The following PIGN variants were observed in gnomAD, a reference collection of about 807,000 sequenced individuals.
The protein encoded by PIGN is phosphatidylinositol glycan anchor biosynthesis class N, also known as GPI ethanolamine phosphate transferase 1.
In PIGN, 117 loss-of-function variants were observed where a neutral mutation model predicts 125.4. The observed-to-expected ratio is 0.93, with a 90% CI of 0.80 to 1.09. PIGN has a LOEUF of 1.09. PIGN is among the 50% of genes least tolerant of loss of function. The pLI, the probability that PIGN is intolerant of heterozygous loss-of-function variation, is 0.00. For missense variants in PIGN, 1,075 were observed against 1,094.9 expected (o/e 0.98, Z 0.26); for synonymous variants, 392 against 377.8 (o/e 1.04, Z -0.44).
intron 23 of PIGN, among the ~76,000 whole-genome samples, chr18:62,032,859 C>T (rs2030210145): frequency 2.6e-5 from 4 of 152,162 alleles, no homozygotes; most frequent in Admixed American, 2.6e-4. Context: ...CACAAGAGTT[C>T]ATGAAAATTT....
At chr18:62,167,279 GAT>G (rs1285359945) in intron 1 of PIGN, among the ~76,000 whole-genome samples, 77 of 105,222 alleles carry the variant, frequency 7.3e-4, no homozygotes, top group African/African-American at 2.1e-3. Context: ...GATATATAGA[GAT>G]ATATATGTGT....
chr18:62,182,498 T>G (rs1337651590), intron 1 of PIGN, among the ~76,000 whole-genome samples: 1 of 152,228 alleles, frequency 6.6e-6, no homozygotes, highest in Non-Finnish European at 1.5e-5. Flanking sequence ...CTTTATTTAA[T>G]CTAACAATTG....
chr18:62,157,091 T>C (rs1159206668), intron 6 of PIGN, 38 bp downstream of exon 6: 2 of 1,005,008 alleles, frequency 2.0e-6, no homozygotes, highest in Non-Finnish European at 3.0e-6. Flanking sequence ...ACTTACTCCC[T>C]ATTTACTATC....
At chr18:62,115,644 T>A (rs1327156922) in intron 14 of PIGN, among the ~76,000 whole-genome samples, 5 of 143,942 alleles carry the variant, frequency 3.5e-5, no homozygotes, top group Non-Finnish European at 7.5e-5. Flanking sequence ...GTAAATCTTT[T>A]AAGCAGTAAT....
chr18:62,134,849 G>A (rs1350411539), intron 14 of PIGN, among the ~76,000 whole-genome samples: 3 of 152,146 alleles, frequency 2.0e-5, no homozygotes, highest in Non-Finnish European at 4.4e-5. Context: ...TTCTTGTAAA[G>A]TTTGAAATGT....
At chr18:62,100,443 A>G (rs1010377472) in intron 22 of PIGN, among the ~76,000 whole-genome samples, 1 of 152,222 alleles carries the variant, frequency 6.6e-6, no homozygotes, top group Non-Finnish European at 1.5e-5. Context: ...CAAAAGATGT[A>G]AAAGTTAAAG....
chr18:62,163,114 T>G (rs1475588953), intron 2 of PIGN, among the ~76,000 whole-genome samples: 1 of 152,136 alleles, frequency 6.6e-6, no homozygotes, highest in Non-Finnish European at 1.5e-5. Context: ...TACTTTAAAT[T>G]TATATCCATT....
At chr18:62,174,523 G>C (rs547778867) in intron 1 of PIGN, 4 of 152,144 alleles carry the variant, frequency 2.6e-5, no homozygotes, top group Non-Finnish European at 4.4e-5. Flanking sequence ...GACATGAAGT[G>C]AGGTCTCAGC....
At chr18:62,037,309 C>A (rs1308631823), downstream of PIGN, among the ~76,000 whole-genome samples, 7 of 152,110 alleles carry the variant, frequency 4.6e-5, no homozygotes. Context: ...AGGGAGGACT[C>A]TGGAACATTC....
intron 28 of PIGN, among the ~76,000 whole-genome samples, chr18:62,078,356 T>C (rs1436938086): frequency 1.3e-5 from 2 of 152,244 alleles, no homozygotes; most frequent in Admixed American, 1.3e-4. Context: ...TGAACCATTC[T>C]GTGGAAACTG....
chr18:62,090,132 T>A (rs1394038608), intron 24 of PIGN, among the ~76,000 whole-genome samples: 1 of 152,102 alleles, frequency 6.6e-6, no homozygotes, highest in Non-Finnish European at 1.5e-5. Context: ...TCTTCCAAGA[T>A]AAATTGACGG....
At chr18:62,110,124 A>G (rs1263925296) in intron 16 of PIGN, 151 bp from the exon 17 acceptor site, 2 of 633,668 alleles carry the variant, frequency 3.2e-6, no homozygotes, top group Non-Finnish European at 5.2e-6. Flanking sequence ...TAAGACAAGG[A>G]AAAAAATCTA....
At position 62,172,605 on chromosome 18, in the gene PIGN, G is replaced by A. The variant is rs374734984; in HGVS notation, c.-235-8949C>T. On this transcript the variant is annotated intron_variant, in intron 1 of 30. Coordinates refer to ENST00000640252, the MANE Select transcript of PIGN (RefSeq NM_176787.5). Reference sequence around the variant, plus strand: ...CATTTGTAAATGCAAATGTATATTTGTAAATTGTAAATGTAAATGCAAATG... The same window carrying A: ...CATTTGTAAATGCAAATGTATATTTATAAATTGTAAATGTAAATGCAAATG... Among the ~76,000 whole-genome samples, 37 of 152,186 alleles carry A rather than the reference G, an allele frequency of 2.4e-4. 4 individuals are homozygous for A. In the South Asian group the frequency reaches 2.5e-3, roughly 10 times the overall value.
intron 1 of PIGN, among the ~76,000 whole-genome samples, chr18:62,176,227 T>C (rs1186009854): frequency 6.6e-6 from 1 of 152,110 alleles, no homozygotes; most frequent in Non-Finnish European, 1.5e-5. Flanking sequence ...CAGAATACAA[T>C]GAGATATTAA....
intron 12 of PIGN, 79 bp downstream of exon 12, chr18:62,140,341 A>G: frequency 1.5e-6 from 1 of 649,246 alleles, no homozygotes. Context: ...TTATTCAGAA[A>G]CACATAAAAA....
At chr18:62,055,495 C>A (rs879011905) in intron 30 of PIGN, among the ~76,000 whole-genome samples, 2 of 152,018 alleles carry the variant, frequency 1.3e-5, no homozygotes, top group Admixed American at 1.3e-4. Context: ...AGGAGGGTTT[C>A]TGGGTGGGAG....
chr18:62,082,689 G>A lies in PIGN; in HGVS notation c.2560C>T (p.Gln854Ter). 6.5e-7 allele frequency: 1 copy of A among 1,540,502 alleles called. No individual in the cohort carries two copies. Among genetic ancestry groups the A allele is most frequent in the Non-Finnish European group, 8.8e-7 (1 of 1,133,586 alleles). Residue 854 changes from glutamine (Q) to a stop codon, truncating the protein, a stop_gained, in exon 28 of 31, where the codon CAG becomes TAG. Coordinates refer to ENST00000640252, the MANE Select transcript of PIGN (RefSeq NM_176787.5). LOFTEE classifies it high-confidence loss of function. ...TCATCTTACCTTTTTGACGATAACT[G>A]AGTAGTCAACTGAACTGCTTCAAAA... ...CAFEAVQLTT[Q>*]LSSKSLFLIV...
At chr18:62,123,572 G>C (rs976213199) in intron 14 of PIGN, 1 of 152,038 alleles carries the variant, frequency 6.6e-6, no homozygotes, top group Non-Finnish European at 1.5e-5. Flanking sequence ...ATAAGAGTGA[G>C]GAAACTGAAA....
chr18:62,118,151 A>T (rs1158642734), intron 14 of PIGN, among the ~76,000 whole-genome samples: 1 of 152,154 alleles, frequency 6.6e-6, no homozygotes, highest in African/African-American at 2.4e-5. Context: ...AGATAGATAG[A>T]TACATAATAA....
Sources: allele counts gnomAD v4.1 joint callset (sites outside exome capture counted in the v4.1 genomes callset), GRCh38; gene constraint gnomAD v4.1.1; transcripts MANE v1.5; gene names NCBI Gene and HGNC (gene_info 2026-07-23, HGNC 2026-07-21).